NXPH1: variants seen among roughly 807,000 people sequenced by gnomAD.
NXPH1 encodes neurexophilin-1.
In NXPH1, 5 loss-of-function variants were observed where a neutral mutation model predicts 23.7. That is an observed-to-expected ratio of 0.21 (90% confidence interval 0.11 to 0.44). The LOEUF is 0.44. Ranked by LOEUF, NXPH1 falls within the 20% of genes least tolerant of loss-of-function variation. The probability of loss-of-function intolerance (pLI) is 0.99; values close to 1 mark genes in which losing one functional copy is unlikely to be tolerated. For missense variants in NXPH1, 324 were observed against 321.6 expected (o/e 1.01, Z -0.06); for synonymous variants, 144 against 122.2 (o/e 1.18, Z -1.18).
At chr7:8,716,167 T>TAAAGGAATGTGAGCGTCAGA (rs1194389513) in intron 2 of NXPH1, among the ~76,000 whole-genome samples, 1 of 152,140 alleles carries the variant, frequency 6.6e-6, no homozygotes, top group Non-Finnish European at 1.5e-5. Context: ...CTTATGGCAG[T>TAAAGGAATGTGAGCGTCAGA]AAAGGAATGT....
At chr7:8,745,438 G>C (rs1180834254) in intron 2 of NXPH1, among the ~76,000 whole-genome samples, 2 of 151,458 alleles carry the variant, frequency 1.3e-5, no homozygotes, top group Admixed American at 6.6e-5. Context: ...GGATACCTGG[G>C]GGGTGGGGGT....
intron 2 of NXPH1, among the ~76,000 whole-genome samples, chr7:8,457,465 T>A (rs751400958): frequency 6.6e-5 from 10 of 151,954 alleles, no homozygotes; most frequent in Admixed American, 2.0e-4. Context: ...CTTAACATAG[T>A]TGGAAAACCG....
chr7:8,456,146 A>G (rs761628800), intron 2 of NXPH1, among the ~76,000 whole-genome samples: 1 of 152,132 alleles, frequency 6.6e-6, no homozygotes, highest in Non-Finnish European at 1.5e-5. Flanking sequence ...GATGATTTCC[A>G]TTTTGCCCAT....
chr7:8,611,622 A>T lies in NXPH1; in HGVS notation c.55-139386A>T, dbSNP rs188260162. ...AAGGCACTGAAATAGGGAAAGAAAA[A>T]TTTTAAAGCTTGCTCTGTACAGTTA... On this transcript the variant is annotated intron_variant, in intron 2 of 2. Transcript: ENST00000405863. Among the ~76,000 whole-genome samples the T allele has an allele frequency of 1.1e-3, 162 of 152,206 alleles. No individual in the cohort carries two copies. In the Middle Eastern group the frequency reaches 0.024, roughly 23 times the overall value.
intron 2 of NXPH1, among the ~76,000 whole-genome samples, chr7:8,480,993 TCAAA>T (rs755425487): frequency 1.3e-5 from 2 of 152,192 alleles, no homozygotes; most frequent in Non-Finnish European, 2.9e-5. Context: ...CGTGAGAGGC[TCAAA>T]CAGTGAGGTT....
intron 2 of NXPH1, among the ~76,000 whole-genome samples, chr7:8,499,535 T>C (rs1333578683): frequency 6.6e-6 from 1 of 152,090 alleles, no homozygotes; most frequent in Admixed American, 6.6e-5. Context: ...TTTGGTTAAT[T>C]ATTGAGCTAC....
At chr7:8,661,305 T>A (rs1336128823) in intron 2 of NXPH1, among the ~76,000 whole-genome samples, 4 of 152,162 alleles carry the variant, frequency 2.6e-5, no homozygotes, top group African/African-American at 9.7e-5. Context: ...TCCCAAGTAA[T>A]ACCAATACCA....
At chr7:8,501,579 TTAACA>T (rs1817435881) in intron 2 of NXPH1, among the ~76,000 whole-genome samples, 3 of 152,046 alleles carry the variant, frequency 2.0e-5, no homozygotes, top group Admixed American at 1.3e-4. Flanking sequence ...ATTTCAAATA[TTAACA>T]TTAAAGCATT....
chr7:8,641,522 A>G (rs1820311855), intron 2 of NXPH1, among the ~76,000 whole-genome samples: 2 of 152,136 alleles, frequency 1.3e-5, no homozygotes, highest in African/African-American at 2.4e-5. Context: ...CTCCACTCCA[A>G]TTCCCACCCC....
intron 2 of NXPH1, among the ~76,000 whole-genome samples, chr7:8,656,010 G>T (rs1210271095): frequency 6.6e-6 from 1 of 152,152 alleles, no homozygotes; most frequent in Non-Finnish European, 1.5e-5. Context: ...GGCTAGGAAG[G>T]CATTTAATAT....
At chr7:8,638,562 G>C (rs539470944) in intron 2 of NXPH1, among the ~76,000 whole-genome samples, 1 of 152,266 alleles carries the variant, frequency 6.6e-6, no homozygotes, top group African/African-American at 2.4e-5. Context: ...CCTTATTTAA[G>C]GATTGATTGT....
chr7:8,579,805 G>A (rs1337439782), intron 2 of NXPH1, among the ~76,000 whole-genome samples: 2 of 152,188 alleles, frequency 1.3e-5, no homozygotes, highest in African/African-American at 2.4e-5. Flanking sequence ...GATCACAGGG[G>A]CTATCAGAGA....
chr7:8,445,457 C>G (rs1026021267), intron 2 of NXPH1, among the ~76,000 whole-genome samples: 1 of 152,186 alleles, frequency 6.6e-6, no homozygotes, highest in African/African-American at 2.4e-5. Context: ...CTCCCTGCCT[C>G]TAACCCACCA....
intron 2 of NXPH1, among the ~76,000 whole-genome samples, chr7:8,532,255 G>A (rs1272854114): frequency 1.3e-5 from 2 of 152,050 alleles, no homozygotes; most frequent in African/African-American, 4.8e-5. Flanking sequence ...TAAAATAGCT[G>A]CAAAGCAGTA....
chr7:8,620,048 C>T (rs184167312), intron 2 of NXPH1, among the ~76,000 whole-genome samples: 1 of 152,270 alleles, frequency 6.6e-6, no homozygotes. Flanking sequence ...GAGATACTGA[C>T]TCTCTCAGCA....
Position 8,747,361 on chromosome 7 carries a change from AT to A in NXPH1, c.55-3645del, listed in dbSNP as rs1780488366. 2.0e-5 allele frequency among the ~76,000 whole-genome samples: 3 copies of A among 152,310 alleles called. No homozygotes were observed. In the South Asian group the frequency reaches 6.2e-4, roughly 32 times the overall value. ...GGAGTCTTAGCAACTTTTTGAATAG[AT>A]TGATTCTTCCTTCTTGAAACCATAT... On this transcript the variant is annotated intron_variant, in intron 2 of 2. Coordinates refer to ENST00000405863, the MANE Select transcript of NXPH1 (RefSeq NM_152745.3).
chr7:8,663,146 G>T (rs535044656), intron 2 of NXPH1, among the ~76,000 whole-genome samples: 1 of 151,938 alleles, frequency 6.6e-6, no homozygotes, highest in Non-Finnish European at 1.5e-5. Context: ...TTGAGATATT[G>T]GAGTCATTTA....
intron 2 of NXPH1, among the ~76,000 whole-genome samples, chr7:8,517,177 A>C (rs1267555827): frequency 6.6e-6 from 1 of 152,144 alleles, no homozygotes; most frequent in Non-Finnish European, 1.5e-5. Context: ...GTGACTCAGC[A>C]GTGAGCAACA....
At chr7:8,453,163 G>A (rs376937740) in intron 2 of NXPH1, among the ~76,000 whole-genome samples, 11 of 152,042 alleles carry the variant, frequency 7.2e-5, no homozygotes, top group East Asian at 5.8e-4. Context: ...GGGGGAAAGG[G>A]GAGAGAGGGA....
Sources: gnomAD v4.1 joint callset for allele counts (sites outside exome capture counted in the v4.1 genomes callset) on GRCh38, gnomAD v4.1.1 for gene constraint, MANE v1.5 for transcripts, NCBI Gene and HGNC (gene_info 2026-07-23, HGNC 2026-07-21) for gene names.